The following CFAP300 variants were observed in gnomAD, a reference collection of about 807,000 sequenced individuals.
The protein encoded by CFAP300 is cilia and flagella associated protein 300, also known as cilia- and flagella-associated protein 300.
CFAP300 carries 32 observed loss-of-function variants against 33.0 expected under a neutral mutation model. The observed-to-expected ratio is 0.97, with a 90% CI of 0.73 to 1.30. The LOEUF is 1.30. Ranked by LOEUF, CFAP300 falls within the 50% of genes most tolerant of loss-of-function variation. The pLI, the probability that CFAP300 is intolerant of heterozygous loss-of-function variation, is 0.00. For missense variants in CFAP300, 356 were observed against 318.1 expected (o/e 1.12, Z -0.90); for synonymous variants, 102 against 106.8 (o/e 0.95, Z 0.28).
intron 6 of CFAP300, among the ~76,000 whole-genome samples, chr11:102,082,867 C>T (rs909491139): frequency 6.6e-6 from 1 of 151,996 alleles, no homozygotes; most frequent in African/African-American, 2.4e-5. Context: ...CATGGTGGCA[C>T]ATGCCTGTAA....
intron 4 of CFAP300, among the ~76,000 whole-genome samples, chr11:102,073,468 C>T (rs1411709072): frequency 6.6e-6 from 1 of 152,168 alleles, no homozygotes; most frequent in Admixed American, 6.5e-5. Context: ...CAGTGCCAGG[C>T]CAGAGGGGCT....
At chr11:102,063,174 T>C (rs944158654) in intron 3 of CFAP300, among the ~76,000 whole-genome samples, 3 of 152,216 alleles carry the variant, frequency 2.0e-5, no homozygotes, top group African/African-American at 7.2e-5. Flanking sequence ...TTCAGGGCTC[T>C]ACCGCCACCA....
intron 3 of CFAP300, among the ~76,000 whole-genome samples, chr11:102,065,012 G>A (rs1942201668): frequency 6.6e-6 from 1 of 152,108 alleles, no homozygotes; most frequent in African/African-American, 2.4e-5. Context: ...CTGAATTTGT[G>A]ATAATTTGAT....
intron 4 of CFAP300, among the ~76,000 whole-genome samples, chr11:102,070,790 T>A (rs1335985578): frequency 6.7e-6 from 1 of 148,906 alleles, no homozygotes; most frequent in Non-Finnish European, 1.5e-5. Flanking sequence ...CTTCTGAATT[T>A]GTTCATTTAC....
In CFAP300 at chr11:102,076,052, T is replaced by C; in HGVS notation, c.608+7T>C. On this transcript the variant is annotated splice_region_variant and intron_variant, in intron 5 of 6. Coordinates refer to ENST00000434758, the MANE Select transcript of CFAP300 (RefSeq NM_032930.3). ...TCTATAAGGATCTGGTGAGGTAATG[T>C]TGCTAGATCACAATATGTAAATCTC... The C allele has an allele frequency of 6.3e-7, 1 of 1,598,784 alleles. No homozygotes were observed. Among genetic ancestry groups the C allele is most frequent in the Non-Finnish European group, 8.5e-7 (1 of 1,175,056 alleles).
chr11:102,081,089 G>A, intron 5 of CFAP300, 126 bp from the exon 6 acceptor site: 1 of 638,618 alleles, frequency 1.6e-6, no homozygotes, highest in Non-Finnish European at 2.5e-6. Flanking sequence ...AAACCACTTA[G>A]TTGGATAGTA....
At chr11:102,049,205 G>A (rs955242162) in intron 2 of CFAP300, among the ~76,000 whole-genome samples, 9 of 152,158 alleles carry the variant, frequency 5.9e-5, no homozygotes, top group Admixed American at 5.2e-4. Flanking sequence ...AAACCTGTAG[G>A]GGAGAATCCA....
chr11:102,076,182 C>T (rs1565397618), intron 5 of CFAP300, 137 bp downstream of exon 5: 15 of 805,226 alleles, frequency 1.9e-5, no homozygotes, highest in Non-Finnish European at 1.4e-5. Flanking sequence ...CCCTTACCCC[C>T]CTCTCATAAC....
In CFAP300 at chr11:102,071,032, T is replaced by C. The variant is rs571670828; in HGVS notation, c.435+4381T>C. Among the ~76,000 whole-genome samples the C allele has an allele frequency of 3.9e-5, 6 of 152,284 alleles. No individual in the cohort carries two copies. In the South Asian group the frequency reaches 1.2e-3, roughly 32 times the overall value. On this transcript the variant is annotated intron_variant, in intron 4 of 6. Coordinates refer to ENST00000434758, the MANE Select transcript of CFAP300 (RefSeq NM_032930.3). ...GATATTCTGTAACTGTTGGATGAAA[T>C]GTTCTGTAGATGTCTATTTGGTCTA...
chr11:102,049,222 C>T (rs1941932878), intron 2 of CFAP300, among the ~76,000 whole-genome samples: 1 of 152,184 alleles, frequency 6.6e-6, no homozygotes, highest in African/African-American at 2.4e-5. Context: ...TCCATCCTTG[C>T]CTCTTCCTGC....
intron 2 of CFAP300, among the ~76,000 whole-genome samples, chr11:102,055,872 T>A (rs1229432272): frequency 6.6e-6 from 1 of 150,936 alleles, no homozygotes; most frequent in Admixed American, 6.6e-5. Context: ...AGTTTCACCG[T>A]GTTAGTCAGG....
At chr11:102,055,921 G>A (rs964258686) in intron 2 of CFAP300, among the ~76,000 whole-genome samples, 15 of 149,554 alleles carry the variant, frequency 1.0e-4, no homozygotes, top group Non-Finnish European at 1.6e-4. Context: ...CGCCCGCCTC[G>A]GCCTCCCAAA....
At position 102,084,460 on chromosome 11, in the gene CFAP300, T is replaced by G. The variant is rs933675391; in HGVS notation, c.*1261T>G. 9.2e-5 allele frequency: 14 copies of G among 152,238 alleles called. No individual in the cohort carries two copies. The highest frequency in any genetic ancestry group is 2.7e-4 in the African/African-American group (11 of 41,460). 9.4% of individuals were successfully genotyped at this position (152,238 alleles called of 1,614,324 possible). On this transcript the variant is annotated 3_prime_UTR_variant, in exon 7 of 7. Coordinates refer to ENST00000434758, the MANE Select transcript of CFAP300 (RefSeq NM_032930.3). ...ACTTCTAATACCTAACACAATGACT[T>G]GGCATATTAAATGTTTATTGAATGA... is the stretch of plus-strand genomic sequence containing the variant.
At chr11:102,064,536 C>G (rs868374005) in intron 3 of CFAP300, among the ~76,000 whole-genome samples, 1 of 152,248 alleles carries the variant, frequency 6.6e-6, no homozygotes, top group South Asian at 2.1e-4. Context: ...ATGAGCCCAG[C>G]TCAGGACATA....
rs529141845 is a variant in CFAP300 at position 102,047,558 on chromosome 11, A to G, written c.88A>G (p.Ile30Val). 1.3e-4 allele frequency: 196 copies of G among 1,535,920 alleles called. No individual in the cohort carries two copies. In the African/African-American group the frequency reaches 2.3e-3, roughly 18 times the overall value. ...CTTCCAGTCTCTGAGCTCTAAGGAG[A>G]TCACCAGCCGGCTCCGCCAGTGGTG... ...KTFQSLSSKE[I>V]TSRLRQWSML... The change falls in exon 1 of 7, where the codon ATC becomes GTC. Residue 30 changes from isoleucine (I) to valine (V), a missense_variant. Coordinates refer to ENST00000434758, the MANE Select transcript of CFAP300 (RefSeq NM_032930.3).
intron 4 of CFAP300, among the ~76,000 whole-genome samples, chr11:102,075,233 AATGGC>A (rs144231378): frequency 0.03 from 4,638 of 152,284 alleles, 136 homozygotes; most frequent in Non-Finnish European, 0.037. Flanking sequence ...TGTATTTCCC[AATGGC>A]ATAAGAAAAT....
At chr11:102,059,636 A>C (rs12802305) in intron 3 of CFAP300, among the ~76,000 whole-genome samples, 1 of 151,976 alleles carries the variant, frequency 6.6e-6, no homozygotes, top group Non-Finnish European at 1.5e-5. Context: ...GTGAGAGAGC[A>C]AGAATGCCTC....
intron 3 of CFAP300, among the ~76,000 whole-genome samples, chr11:102,064,246 C>A (rs10750627): frequency 1.3e-5 from 2 of 151,960 alleles, no homozygotes; most frequent in South Asian, 4.1e-4. Flanking sequence ...CCAAATCAGA[C>A]CTAGGGTAGG....
At position 102,075,868 on chromosome 11, in the gene CFAP300, C is replaced by T; in HGVS notation, c.436-5C>T. ...GTTACATTAAGATGAATTTTATCGT[C>T]TTAGGTTTTGCTAGTGGAAGACTCA... On this transcript the variant is annotated splice_polypyrimidine_tract_variant and splice_region_variant and intron_variant, in intron 4 of 6. Transcript: ENST00000434758. 6.3e-7 allele frequency: 1 copy of T among 1,595,814 alleles called. No individual in the cohort carries two copies. The highest frequency in any genetic ancestry group is 8.6e-7 in the Non-Finnish European group (1 of 1,169,424).
Sources: gnomAD v4.1 joint callset for allele counts (sites outside exome capture counted in the v4.1 genomes callset) on GRCh38, gnomAD v4.1.1 for gene constraint, MANE v1.5 for transcripts, NCBI Gene and HGNC (gene_info 2026-07-23, HGNC 2026-07-21) for gene names.